The following COX10 variants were observed in gnomAD, a reference collection of about 807,000 sequenced individuals.
The protein encoded by COX10 is cytochrome c oxidase assembly factor heme A:farnesyltransferase COX10.
Under a neutral mutation model 37.3 loss-of-function variants are expected in COX10, and 27 were observed. The observed-to-expected ratio is 0.72, with a 90% CI of 0.53 to 1.00. The LOEUF (loss-of-function observed/expected upper bound fraction) is 1.00, where lower values mean the gene tolerates loss of function less well. Among genes scored for constraint, COX10 ranks in the 50% least tolerant of loss-of-function variants. The probability of loss-of-function intolerance (pLI) is 0.00; values close to 1 mark genes in which losing one functional copy is unlikely to be tolerated. For synonymous variants in COX10, 222 were observed against 229.1 expected, an observed-to-expected ratio of 0.97 and a Z score of 0.28; for missense variants, 475 against 563.2, an observed-to-expected ratio of 0.84 and a Z score of 1.59.
At chr17:14,136,208 G>T (rs1305728990) in intron 4 of COX10, among the ~76,000 whole-genome samples, 2 of 151,892 alleles carry the variant, frequency 1.3e-5, no homozygotes, top group Non-Finnish European at 2.9e-5. Flanking sequence ...AGAAATTTTA[G>T]AAATATTTCC....
At chr17:14,097,311 CTTTTGGGTTTTT>C (rs1915672538) in intron 3 of COX10, among the ~76,000 whole-genome samples, 1 of 144,616 alleles carries the variant, frequency 6.9e-6, no homozygotes, top group East Asian at 2.1e-4. Flanking sequence ...TCTTTGTTAG[CTTTTGGGTTTTT>C]TTTTTTAGAA....
In COX10 at chr17:14,207,333, C is replaced by T; in HGVS notation, c.*120C>T. The T allele has an allele frequency of 7.7e-7, 1 of 1,293,876 alleles. No homozygotes were observed. Among genetic ancestry groups the T allele is most frequent in the South Asian group, 1.7e-5 (1 of 60,184 alleles). 80.1% of individuals were successfully genotyped at this position (1,293,876 alleles called of 1,614,324 possible). A position where few individuals can be genotyped will look rare whatever the true frequency, so the allele number is the denominator to read the frequency against. On this transcript the variant is annotated 3_prime_UTR_variant, in exon 7 of 7. Coordinates refer to ENST00000261643, the MANE Select transcript of COX10 (RefSeq NM_001303.4). ...AACAAGATTATAAACGAATTCGGTG[C>T]TCAGTGATCACTTGACAGTTTTTTT...
chr17:14,118,292 G>A (rs1916157594), intron 4 of COX10, among the ~76,000 whole-genome samples: 1 of 151,966 alleles, frequency 6.6e-6, no homozygotes, highest in Non-Finnish European at 1.5e-5. Context: ...TCTCTACTCA[G>A]CAATTCCCTG....
At chr17:14,181,855 T>C (rs1422158244) in intron 5 of COX10, among the ~76,000 whole-genome samples, 17 of 152,130 alleles carry the variant, frequency 1.1e-4, no homozygotes, top group Non-Finnish European at 2.5e-4. Context: ...TCACTCCTCC[T>C]TAAAAATTCC....
chr17:14,182,878 G>A (rs1905908963), intron 5 of COX10, among the ~76,000 whole-genome samples: 1 of 151,326 alleles, frequency 6.6e-6, no homozygotes, highest in African/African-American at 2.4e-5. Flanking sequence ...TTTCCAGGAA[G>A]TTATTTAAAA....
intron 3 of COX10, 74 bp downstream of exon 3, chr17:14,077,130 C>T: frequency 6.9e-7 from 1 of 1,439,394 alleles, no homozygotes; most frequent in Non-Finnish European, 9.6e-7. Context: ...ATTTTATTTA[C>T]CACCTGAAAA....
At chr17:14,200,789 A>G (rs1026212206) in intron 6 of COX10, among the ~76,000 whole-genome samples, 2 of 152,218 alleles carry the variant, frequency 1.3e-5, no homozygotes, top group African/African-American at 4.8e-5. Context: ...GTGCAGGGTT[A>G]GGTAGGAAAA....
intron 4 of COX10, among the ~76,000 whole-genome samples, chr17:14,143,622 A>G (rs1374576597): frequency 1.3e-5 from 2 of 152,122 alleles, no homozygotes; most frequent in East Asian, 1.9e-4. Context: ...TTCTCTTGTC[A>G]TTTGGGTAGG....
At chr17:14,198,750 A>G (rs937743020) in intron 6 of COX10, among the ~76,000 whole-genome samples, 1 of 152,172 alleles carries the variant, frequency 6.6e-6, no homozygotes, top group Non-Finnish European at 1.5e-5. Context: ...AGTCGGAGTG[A>G]ATTTATTCAC....
At chr17:14,152,894 G>A (rs1038197934) in intron 4 of COX10, among the ~76,000 whole-genome samples, 1 of 152,174 alleles carries the variant, frequency 6.6e-6, no homozygotes, top group African/African-American at 2.4e-5. Context: ...AGCTACAGAA[G>A]CTGCAGGCCC....
chr17:14,141,055 G>C (rs538624377), intron 4 of COX10, among the ~76,000 whole-genome samples: 1 of 150,786 alleles, frequency 6.6e-6, no homozygotes, highest in African/African-American at 2.4e-5. Context: ...TTTTTTTTGC[G>C]TAATCATGAG....
rs563111110 is a variant in COX10 at position 14,149,790 on chromosome 17, C to A, written c.625-10087C>A. ...TTGTCCTTCCTGAAAGCAGGTACAA[C>A]CCTGTTATAAGCAATAATAAAGCCC... On this transcript the variant is annotated intron_variant, in intron 4 of 6. Transcript: ENST00000261643. Among the ~76,000 whole-genome samples the A allele has an allele frequency of 1.1e-3, 163 of 152,194 alleles. 5 individuals are homozygous for A. In the South Asian group the frequency reaches 0.033, roughly 31 times the overall value.
intron 6 of COX10, among the ~76,000 whole-genome samples, chr17:14,202,665 C>G (rs1460917181): frequency 6.6e-6 from 1 of 152,078 alleles, no homozygotes; most frequent in Non-Finnish European, 1.5e-5. Flanking sequence ...CCGTTCGTGT[C>G]TCTACCGTGA....
At chr17:14,131,817 A>G (rs769486101) in intron 4 of COX10, among the ~76,000 whole-genome samples, 3 of 152,040 alleles carry the variant, frequency 2.0e-5, no homozygotes, top group Non-Finnish European at 2.9e-5. Flanking sequence ...TGACATACAC[A>G]TGCCTGGAAA....
rs1259356268 is a variant in COX10, at chr17:14,077,048, A to C, written c.491A>C (p.Lys164Thr). The change falls in exon 3 of 7, where the codon AAA becomes ACA. Residue 164 changes from lysine to threonine, a missense_variant. By Grantham distance (78) the Lys-to-Thr change is moderately conservative. This residue lies in a region of COX10 where 242 missense variants were observed against 242.5 expected (regional missense o/e 1.00). Coordinates refer to ENST00000261643, the MANE Select transcript of COX10 (RefSeq NM_001303.4). The part of the protein sequence containing the change: ...PGILARLSKI[K>T]LTALVVSTTA... ...ATTTTGGCTCGACTATCCAAAATCA[A>C]ACTCACAGGTACTTTGTTTTTCTGA... 39 of 1,613,956 alleles carry C rather than the reference A, an allele frequency of 2.4e-5. No individual in the cohort carries two copies. The highest frequency in any genetic ancestry group is 3.1e-5 in the Non-Finnish European group (37 of 1,179,996).
Position 14,105,467 on chromosome 17 carries a change from T to C in COX10, c.624+3225T>C, listed in dbSNP as rs541949619. Among the ~76,000 whole-genome samples the C allele has an allele frequency of 3.9e-5, 6 of 152,332 alleles. No homozygotes were observed. In the South Asian group the frequency reaches 6.2e-4, roughly 16 times the overall value. On this transcript the variant is annotated intron_variant, in intron 4 of 6. Coordinates refer to ENST00000261643, the MANE Select transcript of COX10 (RefSeq NM_001303.4). ...AAATGATCTTAACAAAATAATTAAT[T>C]TTCTACATTTATACAGTGCTGTAGA...
intron 5 of COX10, among the ~76,000 whole-genome samples, chr17:14,183,292 AAG>A (rs1719994174): frequency 6.6e-6 from 1 of 152,028 alleles, no homozygotes. Context: ...ATGAATATAA[AAG>A]AATTTTTTTG....
At chr17:14,111,424 T>C (rs1344867098) in intron 4 of COX10, among the ~76,000 whole-genome samples, 1 of 152,164 alleles carries the variant, frequency 6.6e-6, no homozygotes, top group Non-Finnish European at 1.5e-5. Flanking sequence ...AGAGAAATTT[T>C]GGTAGTTAAT....
chr17:14,077,466 C>G (rs1915183225), intron 3 of COX10: 1 of 221,222 alleles, frequency 4.5e-6, no homozygotes, highest in African/African-American at 2.4e-5. Flanking sequence ...CAGTTCACTT[C>G]TGTGTTTTGC....
Sources: allele counts gnomAD v4.1 joint callset (sites outside exome capture counted in the v4.1 genomes callset), GRCh38; gene constraint gnomAD v4.1.1; regional missense constraint gnomAD v4.1.1; transcripts MANE v1.5; gene names NCBI Gene and HGNC (gene_info 2026-07-23, HGNC 2026-07-21).